Variants in CREG2 observed in about 807,000 individuals in gnomAD.
CREG2 encodes the protein cellular repressor of E1A stimulated genes 2.
In CREG2, 24 loss-of-function variants were observed where a neutral mutation model predicts 26.2. The ratio of observed to expected loss-of-function variants is 0.92; its 90% confidence interval spans 0.66 to 1.29. The LOEUF is 1.29. Among genes scored for constraint, CREG2 ranks in the 50% most tolerant of loss-of-function variants. The pLI, the probability that CREG2 is intolerant of heterozygous loss-of-function variation, is 0.00. For missense variants in CREG2, 366 were observed against 398.6 expected, an observed-to-expected ratio of 0.92 and a Z score of 0.70; for synonymous variants, 174 against 169.2, an observed-to-expected ratio of 1.03 and a Z score of -0.22.
At chr2:101,380,927 A>T (rs545590949) in intron 2 of CREG2, among the ~76,000 whole-genome samples, 2 of 150,338 alleles carry the variant, frequency 1.3e-5, no homozygotes, top group East Asian at 1.9e-4. Flanking sequence ...CTGATGACAG[A>T]GTGAGACTCC....
intron 2 of CREG2, among the ~76,000 whole-genome samples, chr2:101,358,435 A>G (rs1010155333): frequency 2.0e-5 from 3 of 152,230 alleles, no homozygotes; most frequent in African/African-American, 7.2e-5. Flanking sequence ...CATTTTCTCA[A>G]AAGCTTGCCT....
At chr2:101,386,034 G>C (rs62156073) in intron 1 of CREG2, among the ~76,000 whole-genome samples, 6,184 of 152,278 alleles carry the variant, frequency 0.041, 201 homozygotes, top group Non-Finnish European at 0.059. Flanking sequence ...TAGGTGTTGA[G>C]AATATCCAAC....
At chr2:101,384,569 C>T (rs1359139580) in intron 1 of CREG2, among the ~76,000 whole-genome samples, 2 of 152,098 alleles carry the variant, frequency 1.3e-5, no homozygotes, top group Non-Finnish European at 2.9e-5. Context: ...GAGAGTTCCC[C>T]TGAGAGAAGG....
At chr2:101,375,871 C>A in intron 2 of CREG2, 1 of 154,604 alleles carries the variant, frequency 6.5e-6, no homozygotes. Context: ...GCGGCTGCAC[C>A]CCTTCCTCTC....
chr2:101,352,367 C>T (rs1303483801), intron 3 of CREG2, among the ~76,000 whole-genome samples: 1 of 152,164 alleles, frequency 6.6e-6, no homozygotes, highest in Non-Finnish European at 1.5e-5. Context: ...AAGAAACCTA[C>T]TTTTGTACTG....
intron 2 of CREG2, among the ~76,000 whole-genome samples, chr2:101,369,462 GA>G (rs1208175322): frequency 6.6e-6 from 1 of 152,190 alleles, no homozygotes; most frequent in African/African-American, 2.4e-5. Flanking sequence ...CTAGAGCTCA[GA>G]TGAGTGGTCT....
At chr2:101,381,419 C>T (rs1304630300) in intron 2 of CREG2, among the ~76,000 whole-genome samples, 1 of 152,202 alleles carries the variant, frequency 6.6e-6, no homozygotes, top group African/African-American at 2.4e-5. Context: ...AAATGTAAAG[C>T]TCCACTTGGA....
chr2:101,356,238 G>C (rs1684457148), intron 2 of CREG2, among the ~76,000 whole-genome samples: 1 of 152,166 alleles, frequency 6.6e-6, no homozygotes, highest in Non-Finnish European at 1.5e-5. Context: ...GCCAGCTGCG[G>C]TCTGGGGTTT....
At chr2:101,374,612 CCAGA>C (rs1271338327) in intron 2 of CREG2, among the ~76,000 whole-genome samples, 1 of 152,230 alleles carries the variant, frequency 6.6e-6, no homozygotes, top group African/African-American at 2.4e-5. Flanking sequence ...GATATAGACT[CCAGA>C]CAGAGATACG....
chr2:101,348,817 G>GAAC lies in CREG2; in HGVS notation c.*2103_*2105dup, dbSNP rs1170966910. 1 of 151,906 alleles carries GAAC rather than the reference G, an allele frequency of 6.6e-6. No homozygotes were observed. The allele number at this position is 151,906 out of a possible 1,614,324, so 9.4% of individuals were successfully genotyped here. ...CTTATTGCCATGTCTAGAACTTCCA[G>GAAC]AACAGCCTCTAACATTTTAATCAAT... is the stretch of plus-strand genomic sequence containing the variant. On this transcript the variant is annotated 3_prime_UTR_variant, in exon 4 of 4. Coordinates refer to ENST00000324768, the MANE Select transcript of CREG2 (RefSeq NM_153836.4).
At chr2:101,355,972 C>T (rs1015415523) in intron 2 of CREG2, among the ~76,000 whole-genome samples, 3 of 151,942 alleles carry the variant, frequency 2.0e-5, no homozygotes, top group African/African-American at 7.3e-5. Flanking sequence ...AGGTTCTTGT[C>T]TGGCATCCAG....
At chr2:101,365,616 G>A (rs1287024245) in intron 2 of CREG2, among the ~76,000 whole-genome samples, 2 of 152,012 alleles carry the variant, frequency 1.3e-5, no homozygotes, top group Non-Finnish European at 2.9e-5. Flanking sequence ...TTATTTTACA[G>A]CATACCAGTA....
intron 2 of CREG2, chr2:101,382,442 AG>A (rs1358972449): frequency 2.5e-5 from 22 of 872,286 alleles, no homozygotes; most frequent in Middle Eastern, 5.8e-4. Context: ...AAAAAAAAAA[AG>A]AGTAAGAAAA....
intron 2 of CREG2, among the ~76,000 whole-genome samples, chr2:101,362,344 C>A (rs1684555319): frequency 2.6e-5 from 4 of 152,126 alleles, no homozygotes; most frequent in Admixed American, 2.6e-4. Context: ...ATTGTTTAGC[C>A]CCTAAGAAAA....
chr2:101,355,320 G>A lies in CREG2; in HGVS notation c.658C>T (p.Leu220Phe), dbSNP rs775628443. 6.8e-6 allele frequency: 11 copies of A among 1,614,016 alleles called. No individual in the cohort carries two copies. The highest frequency in any genetic ancestry group is 9.3e-6 in the Non-Finnish European group (11 of 1,179,896). ...GACACTGCGATCATCTGGCCAGTGA[G>A]CGTTAACTGGACACATCGGGGATCT... ...PEDPRCVQLT[L>F]TGQMIAVSPE... The change falls in exon 3 of 4, where the codon CTC becomes TTC. Residue 220 changes from leucine to phenylalanine, a missense_variant. Coordinates refer to ENST00000324768, the MANE Select transcript of CREG2 (RefSeq NM_153836.4).
intron 2 of CREG2, among the ~76,000 whole-genome samples, chr2:101,375,067 T>G (rs1221583128): frequency 6.6e-6 from 1 of 152,198 alleles, no homozygotes; most frequent in Non-Finnish European, 1.5e-5. Flanking sequence ...TATAAGGGAC[T>G]GCCTATGAGA....
intron 2 of CREG2, chr2:101,382,633 T>G: frequency 1.0e-6 from 1 of 985,426 alleles, no homozygotes; most frequent in Non-Finnish European, 1.2e-6. Flanking sequence ...GGGGAAACAA[T>G]GGCTTATCCA....
intron 1 of CREG2, 29 bp downstream of exon 1, chr2:101,386,988 C>G: frequency 8.1e-7 from 1 of 1,232,240 alleles, no homozygotes; most frequent in Non-Finnish European, 1.0e-6. Flanking sequence ...GAATGCCAGG[C>G]CCCCTCGCGC....
chr2:101,350,714 G>A lies in CREG2; in HGVS notation c.*209C>T, dbSNP rs1408790342. ...ATGGAATAAAGACTATCTACGTGAA[G>A]TATCTGTGTGAGTTGGAGATCTGCA... On this transcript the variant is annotated 3_prime_UTR_variant, in exon 4 of 4. Transcript: ENST00000324768. 1 of 555,422 alleles carries A rather than the reference G, an allele frequency of 1.8e-6. No individual in the cohort carries two copies. The highest frequency in any genetic ancestry group is 1.9e-5 in the African/African-American group (1 of 53,296). The allele number at this position is 555,422 out of a possible 1,614,324, so 34.4% of individuals were successfully genotyped here.
Sources: gnomAD v4.1 joint callset for allele counts (sites outside exome capture counted in the v4.1 genomes callset) on GRCh38, gnomAD v4.1.1 for gene constraint, MANE v1.5 for transcripts, NCBI Gene and HGNC (gene_info 2026-07-23, HGNC 2026-07-21) for gene names.